JPH3: variants seen among roughly 807,000 people sequenced by gnomAD.
The protein encoded by JPH3 is junctophilin-3.
JPH3 carries 11 observed loss-of-function variants against 59.6 expected under a neutral mutation model. The ratio of observed to expected loss-of-function variants is 0.18; its 90% CI spans 0.12 to 0.31. The LOEUF is 0.31. Among genes scored for constraint, JPH3 ranks in the 10% least tolerant of loss-of-function variants. The pLI, the probability that JPH3 is intolerant of heterozygous loss-of-function variation, is 1.00. For missense variants in JPH3, 1,202 were observed against 1,105.7 expected, an observed-to-expected ratio of 1.09 and a Z score of -1.24; for synonymous variants, 673 against 483.6, an observed-to-expected ratio of 1.39 and a Z score of -5.14.
chr16:87,679,531 C>G (rs2033233298), intron 2 of JPH3, among the ~76,000 whole-genome samples: 1 of 152,250 alleles, frequency 6.6e-6, no homozygotes, highest in African/African-American at 2.4e-5. Context: ...AGTTTCCTCC[C>G]CTTGAGCTGT....
intron 2 of JPH3, among the ~76,000 whole-genome samples, chr16:87,650,858 G>A (rs1003116840): frequency 6.6e-6 from 1 of 152,256 alleles, no homozygotes; most frequent in Non-Finnish European, 1.5e-5. Flanking sequence ...AAAGTGCAAG[G>A]TGAGGGAGCA....
chr16:87,695,401 G>C (rs773486037), intron 4 of JPH3: 1 of 456,138 alleles, frequency 2.2e-6, no homozygotes, highest in Middle Eastern at 3.3e-4. Flanking sequence ...GACAAGCCCT[G>C]GTCCATCTGT....
At chr16:87,689,328 T>G (rs1305120776) in intron 3 of JPH3, among the ~76,000 whole-genome samples, 1 of 151,970 alleles carries the variant, frequency 6.6e-6, no homozygotes, top group African/African-American at 2.4e-5. Flanking sequence ...GGGACCTGAG[T>G]CCACACCCCA....
chr16:87,684,710 C>T (rs940886404), intron 3 of JPH3, among the ~76,000 whole-genome samples: 1 of 152,228 alleles, frequency 6.6e-6, no homozygotes, highest in Non-Finnish European at 1.5e-5. Context: ...AACTAACTTA[C>T]CATTAAACAC....
intron 2 of JPH3, among the ~76,000 whole-genome samples, chr16:87,653,230 C>G (rs2032384465): frequency 6.6e-6 from 1 of 152,216 alleles, no homozygotes; most frequent in Admixed American, 6.5e-5. Context: ...AGGGTGATGC[C>G]TGCTCTGAAA....
chr16:87,624,800 A>G (rs2031310913), intron 1 of JPH3, among the ~76,000 whole-genome samples: 1 of 151,850 alleles, frequency 6.6e-6, no homozygotes, highest in Non-Finnish European at 1.5e-5. Context: ...GTTTTTATTT[A>G]TTTCATTTTA....
chr16:87,658,606 C>T (rs1397354658), intron 2 of JPH3, among the ~76,000 whole-genome samples: 1 of 152,168 alleles, frequency 6.6e-6, no homozygotes, highest in Admixed American at 6.5e-5. Flanking sequence ...GAAACAGACC[C>T]AGGGCATGAT....
chr16:87,604,743 A>G (rs750043242), intron 1 of JPH3: 3 of 935,756 alleles, frequency 3.2e-6, no homozygotes, highest in Non-Finnish European at 4.1e-6. Flanking sequence ...AGTAATTATT[A>G]TTTTGGCTTA....
At chr16:87,673,481 G>A (rs2033069193) in intron 2 of JPH3, among the ~76,000 whole-genome samples, 2 of 152,156 alleles carry the variant, frequency 1.3e-5, no homozygotes, top group South Asian at 4.1e-4. Flanking sequence ...TTCAACAGCG[G>A]CACTTCTGGA....
chr16:87,635,151 C>T (rs1567591091), intron 1 of JPH3, among the ~76,000 whole-genome samples: 1 of 152,118 alleles, frequency 6.6e-6, no homozygotes, highest in African/African-American at 2.4e-5. Flanking sequence ...TGGCCATGAG[C>T]TCAGGTCTTT....
chr16:87,655,559 G>T (rs1195044474), intron 2 of JPH3, among the ~76,000 whole-genome samples: 1 of 152,134 alleles, frequency 6.6e-6, no homozygotes, highest in Non-Finnish European at 1.5e-5. Flanking sequence ...TCACTGTGTT[G>T]ACCAGGCTGG....
At chr16:87,623,610 C>T (rs1033823132) in intron 1 of JPH3, among the ~76,000 whole-genome samples, 8 of 152,180 alleles carry the variant, frequency 5.3e-5, no homozygotes, top group African/African-American at 1.9e-4. Flanking sequence ...TTCTGTGAAC[C>T]CCTTGGGAGC....
Position 87,603,052 on chromosome 16 carries a change from C to A in JPH3, c.-95C>A. 1.3e-6 allele frequency: 2 copies of A among 1,532,676 alleles called. No homozygotes were observed. Among genetic ancestry groups the A allele is most frequent in the East Asian group, 2.3e-5 (1 of 43,260 alleles). 94.9% of individuals were successfully genotyped at this position (1,532,676 alleles called of 1,614,324 possible). ...GCGTCCTCCTCTCCTCCGGAAAACG[C>A]TCGCGACCCAGGGCCGCCGGCGGCC... is the stretch of plus-strand genomic sequence containing the variant. On this transcript the variant is annotated 5_prime_UTR_variant, in exon 1 of 5. Coordinates refer to ENST00000284262, the MANE Select transcript of JPH3 (RefSeq NM_020655.4).
chr16:87,660,838 C>A (rs58742924), intron 2 of JPH3, among the ~76,000 whole-genome samples: 7,006 of 152,270 alleles, frequency 0.046, 526 homozygotes, highest in African/African-American at 0.16. Flanking sequence ...AGTCCCATGC[C>A]ATCCAGGACA....
intron 1 of JPH3, among the ~76,000 whole-genome samples, chr16:87,633,347 G>GT (rs1406990128): frequency 2.0e-5 from 3 of 148,114 alleles, no homozygotes; most frequent in Admixed American, 1.3e-4. Flanking sequence ...TCCAAACAAG[G>GT]TGACATTCTA....
intron 2 of JPH3, among the ~76,000 whole-genome samples, chr16:87,676,733 CA>C (rs200158733): frequency 2.9e-4 from 43 of 146,450 alleles, no homozygotes; most frequent in African/African-American, 8.8e-4. Context: ...GACTCCATCT[CA>C]AAAAAAAAAT....
chr16:87,615,076 C>T (rs572091671), intron 1 of JPH3, among the ~76,000 whole-genome samples: 4 of 152,186 alleles, frequency 2.6e-5, no homozygotes, highest in African/African-American at 9.7e-5. Context: ...ACGTGAGGAG[C>T]TGTGCGTCCC....
chr16:87,637,069 T>A (rs911595897), intron 1 of JPH3, among the ~76,000 whole-genome samples: 1 of 152,222 alleles, frequency 6.6e-6, no homozygotes, highest in Non-Finnish European at 1.5e-5. Context: ...CTGACTGTGT[T>A]CTCAAAGCCC....
In JPH3 at chr16:87,603,437, G is replaced by A; in HGVS notation, c.291G>A (p.Val97=). The change falls in exon 1 of 5, where the codon GTG becomes GTA. Residue 97 remains valine (V), a synonymous_variant. Transcript: ENST00000284262. ...WTHGFKGRYG[V]RECAGNGAKY... ...ACGGATTCAAGGGGCGCTACGGGGT[G>A]CGGGAGTGCGCGGGCAACGGGGCCA... 6.4e-7 allele frequency: 1 copy of A among 1,569,688 alleles called. No individual in the cohort carries two copies. The highest frequency in any genetic ancestry group is 8.6e-7 in the Non-Finnish European group (1 of 1,158,078).
Sources: gnomAD v4.1 joint callset for allele counts (sites outside exome capture counted in the v4.1 genomes callset) on GRCh38, gnomAD v4.1.1 for gene constraint, MANE v1.5 for transcripts, NCBI Gene and HGNC (gene_info 2026-07-23, HGNC 2026-07-21) for gene names.